STK3: variants seen among roughly 807,000 people sequenced by gnomAD.
STK3 encodes the protein serine/threonine kinase 3.
In STK3, 41 loss-of-function variants were observed where a neutral mutation model predicts 58.0. The ratio of observed to expected loss-of-function variants is 0.71; its 90% CI spans 0.55 to 0.92. STK3 has a LOEUF of 0.92. Among genes scored for constraint, STK3 ranks in the 40% least tolerant of loss-of-function variants. The pLI is 0.00. For missense variants in STK3, 479 were observed against 602.7 expected (o/e 0.79, Z 2.15); for synonymous variants, 170 against 191.0 (o/e 0.89, Z 0.91).
chr8:98,814,431 C>A (rs886177185), intron 1 of STK3, among the ~76,000 whole-genome samples: 5 of 151,412 alleles, frequency 3.3e-5, no homozygotes, highest in African/African-American at 1.2e-4. Flanking sequence ...GCAGCACAAC[C>A]TCCTAGGCTC....
chr8:98,786,899 G>A (rs764365936), intron 1 of STK3, among the ~76,000 whole-genome samples: 2 of 152,026 alleles, frequency 1.3e-5, no homozygotes, highest in South Asian at 2.1e-4. Flanking sequence ...AATGTGGTGC[G>A]GTGGCTCACG....
intron 1 of STK3, chr8:98,905,469 T>C: frequency 8.0e-7 from 1 of 1,252,850 alleles, no homozygotes; most frequent in Non-Finnish European, 1.2e-6. Context: ...CTTGCTGGCT[T>C]CCACGTTGAT....
At chr8:98,924,293 C>A (rs188295125) in intron 1 of STK3, among the ~76,000 whole-genome samples, 165 of 152,282 alleles carry the variant, frequency 1.1e-3, no homozygotes, top group African/African-American at 3.8e-3. Context: ...TAAACATTAT[C>A]TGCTTCTGTT....
chr8:98,399,583 G>T (rs1348856537), downstream of STK3, among the ~76,000 whole-genome samples: 1 of 152,226 alleles, frequency 6.6e-6, no homozygotes, highest in African/African-American at 2.4e-5. Context: ...GGCAAACAAA[G>T]CTTTTCTATC....
intron 9 of STK3, among the ~76,000 whole-genome samples, chr8:98,541,767 C>A (rs1810298692): frequency 6.6e-6 from 1 of 152,160 alleles, no homozygotes; most frequent in African/African-American, 2.4e-5. Context: ...TCCTAAGATA[C>A]AATATTCAAA....
At chr8:98,906,940 G>A (rs1033364274) in intron 1 of STK3, among the ~76,000 whole-genome samples, 1 of 150,924 alleles carries the variant, frequency 6.6e-6, no homozygotes, top group Non-Finnish European at 1.5e-5. Flanking sequence ...TTGAGACCAG[G>A]AGTTCGAGAC....
intron 4 of STK3, among the ~76,000 whole-genome samples, chr8:98,740,320 A>T (rs1382177031): frequency 2.0e-5 from 3 of 152,230 alleles, no homozygotes; most frequent in Non-Finnish European, 2.9e-5. Flanking sequence ...AAATGAAGGA[A>T]AAAATGTTAA....
downstream of STK3, among the ~76,000 whole-genome samples, chr8:98,366,659 G>C (rs1251025102): frequency 6.6e-6 from 1 of 152,142 alleles, no homozygotes; most frequent in African/African-American, 2.4e-5. Flanking sequence ...TTTTATGGTG[G>C]ATCTATTTCT....
At chr8:98,447,160 T>G (rs1302261155) in intron 1 of STK3, among the ~76,000 whole-genome samples, 2 of 152,036 alleles carry the variant, frequency 1.3e-5, no homozygotes, top group African/African-American at 4.8e-5. Context: ...ACCTGAATGA[T>G]GAAATAATCT....
chr8:98,942,126 T>C (rs1310733163), intron 1 of STK3, among the ~76,000 whole-genome samples: 1 of 152,216 alleles, frequency 6.6e-6, no homozygotes, highest in Non-Finnish European at 1.5e-5. Context: ...CCGCAATGCC[T>C]GCGCCCTAGA....
intron 10 of STK3, among the ~76,000 whole-genome samples, chr8:98,510,138 T>A (rs891936388): frequency 6.6e-6 from 1 of 152,132 alleles, no homozygotes; most frequent in African/African-American, 2.4e-5. Flanking sequence ...AAGAATGATG[T>A]TGACATACAT....
intron 3 of STK3, among the ~76,000 whole-genome samples, chr8:98,762,182 C>T (rs2131415479): frequency 6.6e-6 from 1 of 152,300 alleles, no homozygotes; most frequent in South Asian, 2.1e-4. Flanking sequence ...AACAGCCTAC[C>T]CATTCGTCTG....
At chr8:98,858,115 G>A (rs1025955934) in intron 3 of STK3, among the ~76,000 whole-genome samples, 1 of 151,200 alleles carries the variant, frequency 6.6e-6, no homozygotes, top group Non-Finnish European at 1.5e-5. Context: ...AGGCACAGTG[G>A]CTCATGCCTG....
At position 98,626,047 on chromosome 8, in the gene STK3, C is replaced by A. The variant is rs185512599; in HGVS notation, c.685-29878G>T. On this transcript the variant is annotated intron_variant, in intron 6 of 10. Coordinates refer to ENST00000419617, the MANE Select transcript of STK3 (RefSeq NM_006281.4). ...AGAGGCTGCCCCTCACCCTGCCCCC[C>A]AGATGCTCCCCTGATAAAAGGAGGT... 7.2e-5 allele frequency among the ~76,000 whole-genome samples: 11 copies of A among 152,272 alleles called. No individual in the cohort carries two copies. The East Asian group carries it at 2.1e-3, about 29-fold the overall frequency.
chr8:98,390,607 T>G (rs1458955291), upstream of STK3, among the ~76,000 whole-genome samples: 1 of 151,386 alleles, frequency 6.6e-6, no homozygotes, highest in Non-Finnish European at 1.5e-5. Flanking sequence ...TTTCTTCAAG[T>G]TTTTTTTTGT....
intron 10 of STK3, among the ~76,000 whole-genome samples, chr8:98,482,325 C>T (rs988501123): frequency 2.0e-5 from 3 of 152,194 alleles, no homozygotes; most frequent in Admixed American, 6.5e-5. Context: ...AACAATTTTA[C>T]ATAGCTCATT....
At chr8:98,515,253 C>T (rs551613545) in intron 10 of STK3, among the ~76,000 whole-genome samples, 26 of 152,206 alleles carry the variant, frequency 1.7e-4, no homozygotes, top group African/African-American at 6.0e-4. Flanking sequence ...CTATCCATTA[C>T]TCATAGGATT....
chr8:98,646,194 T>C (rs1820385963), intron 6 of STK3, among the ~76,000 whole-genome samples: 1 of 152,210 alleles, frequency 6.6e-6, no homozygotes, highest in Non-Finnish European at 1.5e-5. Flanking sequence ...TGTAATGAAC[T>C]ATTTCATTGC....
intron 10 of STK3, among the ~76,000 whole-genome samples, chr8:98,457,984 T>A (rs1819626053): frequency 6.6e-6 from 1 of 152,182 alleles, no homozygotes; most frequent in South Asian, 2.1e-4. Flanking sequence ...AAAACAGGTC[T>A]GTGATATTAG....
Sources: gnomAD v4.1 joint callset for allele counts (sites outside exome capture counted in the v4.1 genomes callset) on GRCh38, gnomAD v4.1.1 for gene constraint, MANE v1.5 for transcripts, NCBI Gene and HGNC (gene_info 2026-07-23, HGNC 2026-07-21) for gene names.